Variants in RSPH14 observed in about 807,000 individuals in gnomAD.
RSPH14 encodes rhabdoid tumor deletion region gene 1.
A neutral mutation model predicts 26.7 loss-of-function variants in RSPH14; 20 were observed. The observed-to-expected ratio is 0.75, with a 90% CI of 0.53 to 1.09. The LOEUF is 1.09. RSPH14 is among the 50% of genes least tolerant of loss of function. The pLI, the probability that RSPH14 is intolerant of heterozygous loss-of-function variation, is 0.00. For synonymous variants in RSPH14, 177 were observed against 189.3 expected (o/e 0.93, Z 0.53); for missense variants, 449 against 457.2 (o/e 0.98, Z 0.16).
In RSPH14 at chr22:23,061,954, G is replaced by C. The variant is rs2068105534; in HGVS notation, c.654-9C>G. The stretch of plus-strand genomic sequence containing the variant: ...TGCCCTCTCGAGATATGCTGGGGCA[G>C]AGAGGGAACAGAGAGGGGCTCTGCT... On this transcript the variant is annotated splice_polypyrimidine_tract_variant and intron_variant, in intron 5 of 6. Coordinates refer to ENST00000216036, the MANE Select transcript of RSPH14 (RefSeq NM_014433.3). The C allele has an allele frequency of 6.2e-7, 1 of 1,613,816 alleles. No individual in the cohort carries two copies. Among genetic ancestry groups the C allele is most frequent in the Non-Finnish European group, 8.5e-7 (1 of 1,180,012 alleles).
chr22:23,084,375 A>G (rs1011625291), intron 4 of RSPH14, among the ~76,000 whole-genome samples: 1 of 152,196 alleles, frequency 6.6e-6, no homozygotes, highest in Admixed American at 6.5e-5. Context: ...CTGCAGGCTA[A>G]TGTAAGTGTT....
At chr22:23,156,004 C>A in the RSPH14 span, 1 of 1,612,988 alleles carries the variant, frequency 6.2e-7, no homozygotes, top group South Asian at 1.1e-5. Context: ...TCAAGTGCAT[C>A]GCATCTGCCT....
At chr22:23,144,485 G>C (rs1183975405), upstream of RSPH14, among the ~76,000 whole-genome samples, 1 of 152,170 alleles carries the variant, frequency 6.6e-6, no homozygotes, top group Non-Finnish European at 1.5e-5. Context: ...TGAGTAAACT[G>C]AGGTGCGGAA....
At chr22:23,154,278 G>A in the RSPH14 span, among the ~76,000 whole-genome samples, 1 of 152,170 alleles carries the variant, frequency 6.6e-6, no homozygotes, top group African/African-American at 2.4e-5. Context: ...CATTCACCAA[G>A]CTCCTTCCTG....
intron 4 of RSPH14, among the ~76,000 whole-genome samples, chr22:23,105,323 A>G (rs983340194): frequency 2.0e-5 from 3 of 152,372 alleles, no homozygotes; most frequent in Admixed American, 6.5e-5. Context: ...TCAAGCAGTA[A>G]CAACCCAAAT....
At chr22:23,142,185 G>A (rs2070618344), upstream of RSPH14, 1 of 206,134 alleles carries the variant, frequency 4.9e-6, no homozygotes, top group African/African-American at 2.4e-5. Flanking sequence ...TCAAAGTACA[G>A]AAGGGAAAGG....
At chr22:23,124,207 T>G (rs961054416) in intron 4 of RSPH14, 25 of 212,556 alleles carry the variant, frequency 1.2e-4, no homozygotes, top group South Asian at 4.5e-4. Context: ...TTTTGTTTTG[T>G]TTTTTGGTTT....
At position 23,123,444 on chromosome 22, in the gene RSPH14, G is replaced by A. The variant is rs41311051; in HGVS notation, c.421+10582C>T. 5,114 of 1,563,726 alleles carry A rather than the reference G, an allele frequency of 3.3e-3. 16 individuals carry two copies. The highest frequency in any genetic ancestry group is 5.7e-3 in the Middle Eastern group (34 of 5,946). On this transcript the variant is annotated intron_variant, in intron 4 of 6. Transcript: ENST00000216036. ...TGGCCTTTGCTGAGGAGCTGGGCCC[G>A]GGGCCCGCCTGCCTATGGTGAAACC...
intron 3 of RSPH14, chr22:23,136,027 T>C (rs2070474812): frequency 6.6e-6 from 2 of 304,428 alleles, no homozygotes; most frequent in Non-Finnish European, 1.2e-5. Flanking sequence ...TCACTTATGG[T>C]GTGTTTTGAA....
intron 4 of RSPH14, among the ~76,000 whole-genome samples, chr22:23,087,361 G>C (rs2068847857): frequency 6.6e-6 from 1 of 152,190 alleles, no homozygotes; most frequent in Admixed American, 6.5e-5. Flanking sequence ...AGCTACTCGA[G>C]GCTCAGGTGG....
At chr22:23,061,727 C>A in intron 6 of RSPH14, 82 bp downstream of exon 6, 2 of 1,495,344 alleles carry the variant, frequency 1.3e-6, no homozygotes, top group Non-Finnish European at 1.8e-6. Flanking sequence ...GGGGACGATA[C>A]CCAGCCCCTG....
intron 4 of RSPH14, among the ~76,000 whole-genome samples, chr22:23,100,390 G>A (rs2069262932): frequency 6.6e-6 from 1 of 152,260 alleles, no homozygotes; most frequent in Non-Finnish European, 1.5e-5. Flanking sequence ...ACCGTGGGAG[G>A]CCTGGTGTCT....
intron 4 of RSPH14, among the ~76,000 whole-genome samples, chr22:23,073,588 C>G (rs2068429446): frequency 6.6e-6 from 1 of 152,244 alleles, no homozygotes; most frequent in Non-Finnish European, 1.5e-5. Context: ...CAGCCCCTGC[C>G]ACACATTTTG....
chr22:23,121,555 G>C (rs969951684), intron 4 of RSPH14, among the ~76,000 whole-genome samples: 3 of 152,206 alleles, frequency 2.0e-5, no homozygotes, highest in South Asian at 2.1e-4. Context: ...GGAGTGGGCA[G>C]ATGTGAGAAC....
the RSPH14 span, chr22:23,152,667 G>A: frequency 1.7e-4 from 138 of 803,340 alleles, no homozygotes; most frequent in African/African-American, 2.0e-3. Context: ...GCTGGGAGCC[G>A]GATAAGAGGG....
intron 4 of RSPH14, among the ~76,000 whole-genome samples, chr22:23,111,469 G>C (rs890360549): frequency 6.6e-6 from 1 of 152,254 alleles, no homozygotes; most frequent in Non-Finnish European, 1.5e-5. Context: ...TGGAAACGGA[G>C]ATGCCAAGGC....
the RSPH14 span, chr22:23,162,593 C>A: frequency 4.4e-6 from 2 of 454,518 alleles, no homozygotes; most frequent in Admixed American, 4.7e-5. Context: ...AGAAATACCC[C>A]ACACATTCCC....
chr22:23,150,333 G>T, the RSPH14 span, among the ~76,000 whole-genome samples: 1 of 137,758 alleles, frequency 7.3e-6, no homozygotes, highest in African/African-American at 2.7e-5. Flanking sequence ...ACAGAGTCTC[G>T]CTCTGTCGCC....
intron 4 of RSPH14, among the ~76,000 whole-genome samples, chr22:23,084,799 G>T (rs2068772904): frequency 6.6e-6 from 1 of 152,224 alleles, no homozygotes; most frequent in Admixed American, 6.5e-5. Context: ...AGGCAGGGAA[G>T]TCAGGTCCCT....
Sources: allele counts gnomAD v4.1 joint callset (sites outside exome capture counted in the v4.1 genomes callset), GRCh38; gene constraint gnomAD v4.1.1; transcripts MANE v1.5; gene names NCBI Gene and HGNC (gene_info 2026-07-23, HGNC 2026-07-21).